The following PIN4 variants were observed in gnomAD, a reference collection of about 807,000 sequenced individuals.
The protein encoded by PIN4 is peptidylprolyl cis/trans isomerase, NIMA-interacting 4.
In PIN4, 3 loss-of-function variants were observed where a neutral mutation model predicts 8.3. That is an observed-to-expected ratio of 0.36 (90% CI 0.16 to 0.93). The LOEUF (loss-of-function observed/expected upper bound fraction) is 0.93, where lower values mean the gene tolerates loss of function less well. Among genes scored for constraint, PIN4 ranks in the 40% least tolerant of loss-of-function variants. PIN4 has a pLI of 0.44. For missense variants in PIN4, 75 were observed against 100.6 expected, an observed-to-expected ratio of 0.75 and a Z score of 1.09; for synonymous variants, 18 against 32.5, an observed-to-expected ratio of 0.55 and a Z score of 1.52.
intron 3 of PIN4, among the ~76,000 whole-genome samples, chrX:72,225,959 T>C (rs1055067775): frequency 1.8e-5 from 2 of 111,750 alleles, no homozygotes; most frequent in African/African-American, 6.5e-5. Context: ...CCCCTCTAAT[T>C]ATCCCTGAGG....
chrX:72,206,368 T>G, intron 3 of PIN4: 1 of 1,210,434 alleles, frequency 8.3e-7, no homozygotes, highest in East Asian at 3.0e-5. Context: ...TTTACCATCT[T>G]GCAAGGTGGT....
rs2042700135 is a variant in PIN4 at position 72,185,869 on chromosome X, A to C, written c.44-592A>C. Among the ~76,000 whole-genome samples the C allele has an allele frequency of 2.7e-5, 3 of 112,445 alleles. No homozygotes were observed. In the Admixed American group the frequency reaches 2.8e-4, roughly 11 times the overall value. ...AGAGATTTTACTTACTGGAATTGTGATGCTTGAACACATAGTTGTGGTACA... is the reference window on the plus strand; with the variant it reads ...AGAGATTTTACTTACTGGAATTGTGCTGCTTGAACACATAGTTGTGGTACA... On this transcript the variant is annotated intron_variant, in intron 1 of 3. Transcript: ENST00000373669.
chrX:72,253,466 A>C (rs1300870308), intron 3 of PIN4, among the ~76,000 whole-genome samples: 6 of 110,724 alleles, frequency 5.4e-5, no homozygotes, highest in Non-Finnish European at 1.1e-4. Context: ...TTTCTACTAA[A>C]AATACAAAAA....
intron 3 of PIN4, among the ~76,000 whole-genome samples, chrX:72,229,794 C>T (rs1248269146): frequency 1.8e-5 from 2 of 111,721 alleles, no homozygotes; most frequent in Non-Finnish European, 3.8e-5. Context: ...AACCTCTGGA[C>T]TTGGATTGAG....
At chrX:72,207,534 A>G in intron 3 of PIN4, 3 of 1,211,627 alleles carry the variant, frequency 2.5e-6, no homozygotes, top group Non-Finnish European at 3.4e-6. Flanking sequence ...TAGGATGATC[A>G]CACAGCTTCT....
chrX:72,205,843 A>C, intron 3 of PIN4: 1 of 1,211,682 alleles, frequency 8.3e-7, no homozygotes, highest in East Asian at 3.0e-5. Flanking sequence ...TTCTTTCTCA[A>C]CATGCTCTAA....
rs747341658 is a variant in PIN4 at position 72,262,629 on chromosome X, C to T, written c.313-78C>T. The T allele has an allele frequency of 5.6e-5, 35 of 624,052 alleles. No individual in the cohort carries two copies. The African/African-American group carries it at 6.9e-4, about 12-fold the overall frequency. The allele number at this position is 624,052 out of a possible 1,213,427, so 51.4% of individuals were successfully genotyped here. On this transcript the variant is annotated intron_variant, in intron 3 of 3. Transcript: ENST00000423432. ...TGTCAAGACCCCATGCAGACAAGGG[C>T]CCTCCTGTTTATACAGCATTATCTC... is the stretch of plus-strand genomic sequence containing the variant.
intron 3 of PIN4, among the ~76,000 whole-genome samples, chrX:72,236,360 G>A (rs1243594237): frequency 2.7e-5 from 3 of 111,005 alleles, no homozygotes; most frequent in Non-Finnish European, 3.8e-5. Flanking sequence ...GTGCAGTGGC[G>A]CCATCTCAGC....
downstream of PIN4, among the ~76,000 whole-genome samples, chrX:72,202,293 T>G (rs1336430962): frequency 8.9e-6 from 1 of 112,511 alleles, no homozygotes; most frequent in East Asian, 2.8e-4. Context: ...GAGCATGTAT[T>G]TTTTTCCCCA....
intron 3 of PIN4, 135 bp from the exon 4 acceptor site, chrX:72,197,233 T>C (rs1219312439): frequency 7.7e-6 from 4 of 522,691 alleles, no homozygotes; most frequent in Non-Finnish European, 6.3e-6. Context: ...TTTGTCCTTA[T>C]TGAGCCTATT....
intron 3 of PIN4, chrX:72,207,780 A>G (rs745535504): frequency 5.5e-5 from 66 of 1,208,507 alleles, no homozygotes; most frequent in Admixed American, 3.7e-4. Flanking sequence ...CGTCTTCTTT[A>G]GTCCTCCTGA....
chrX:72,206,848 A>G, intron 3 of PIN4: 1 of 1,211,859 alleles, frequency 8.3e-7, no homozygotes, highest in African/African-American at 1.7e-5. Context: ...CTGAAGCTGC[A>G]GCTGGGTTAC....
At chrX:72,259,701 T>C (rs922103573) in intron 3 of PIN4, among the ~76,000 whole-genome samples, 8 of 107,694 alleles carry the variant, frequency 7.4e-5, no homozygotes, top group Non-Finnish European at 1.5e-4. Context: ...TGAACACTGG[T>C]ACTCTGGCAC....
chrX:72,205,685 A>G lies in PIN4; in HGVS notation c.312+8781A>G. 1.7e-6 allele frequency: 2 copies of G among 1,211,970 alleles called. No individual in the cohort carries two copies. The highest frequency in any genetic ancestry group is 2.2e-6 in the Non-Finnish European group (2 of 895,540). On this transcript the variant is annotated intron_variant, in intron 3 of 3. Transcript: ENST00000423432. ...GAATCATCTTCATCTTCGCCATCTG[A>G]AACAATCCTTCTAGCTTTACTTCTG...
downstream of PIN4, among the ~76,000 whole-genome samples, chrX:72,198,540 G>A (rs148818378): frequency 0.026 from 2,945 of 112,320 alleles, 99 homozygotes; most frequent in African/African-American, 0.088. Flanking sequence ...ATACAGAGAA[G>A]TTCAAATAGA....
chrX:72,259,184 A>C (rs1178245408), intron 3 of PIN4, among the ~76,000 whole-genome samples: 1 of 109,175 alleles, frequency 9.2e-6, no homozygotes, highest in Non-Finnish European at 1.9e-5. Flanking sequence ...CTTGTTGGCC[A>C]GGATCAGCTA....
chrX:72,196,257 C>T (rs764530127), intron 2 of PIN4, among the ~76,000 whole-genome samples: 65 of 111,001 alleles, frequency 5.9e-4, no homozygotes, highest in South Asian at 3.0e-3. Context: ...GCTTCCCGGC[C>T]GTGAGCGGCG....
intron 3 of PIN4, chrX:72,238,956 T>TTGGAGCC: frequency 1.0e-6 from 1 of 968,360 alleles, no homozygotes; most frequent in Admixed American, 2.6e-5. Context: ...AGTTTGGAGC[T>TTGGAGCC]TGGAGCTTGG....
At chrX:72,240,783 G>A (rs1228788622) in intron 3 of PIN4, among the ~76,000 whole-genome samples, 1 of 102,341 alleles carries the variant, frequency 9.8e-6, no homozygotes, top group Admixed American at 1.0e-4. Context: ...CTGGGCGACA[G>A]AGCAAGACTC....
Sources: allele counts gnomAD v4.1 joint callset (sites outside exome capture counted in the v4.1 genomes callset), GRCh38; gene constraint gnomAD v4.1.1; transcripts MANE v1.5; gene names NCBI Gene and HGNC (gene_info 2026-07-23, HGNC 2026-07-21).